The following CUBN variants were observed in gnomAD, a reference collection of about 807,000 sequenced individuals.
The protein encoded by CUBN is cubilin.
A neutral mutation model predicts 405.3 loss-of-function variants in CUBN; 282 were observed. That is an observed-to-expected ratio of 0.70 (90% CI 0.63 to 0.77). The LOEUF is 0.77. Among genes scored for constraint, CUBN ranks in the 30% least tolerant of loss-of-function variants. The pLI is 0.00. For synonymous variants in CUBN, 1,684 were observed against 1,617.0 expected (o/e 1.04, Z -0.99); for missense variants, 4,514 against 4,475.2 (o/e 1.01, Z -0.25).
rs921182555 is a variant in CUBN at position 17,103,301 on chromosome 10, T to G, written c.1418-64A>C. The G allele has an allele frequency of 3.0e-5, 29 of 963,830 alleles. No individual in the cohort carries two copies. The East Asian group carries it at 6.1e-4, about 20-fold the overall frequency. 59.7% of individuals were successfully genotyped at this position (963,830 alleles called of 1,614,324 possible). A position where few individuals can be genotyped will look rare whatever the true frequency, so the allele number is the denominator to read the frequency against. On this transcript the variant is annotated intron_variant, in intron 12 of 66. Transcript: ENST00000377833. ...CTAAAAGGAAGAGGTTGGGCAACTG[T>G]AACCCTGCTGCTGATAAACTTAGAG...
rs202132725 is a variant in CUBN at position 16,937,826 on chromosome 10, T to C, written c.5734-42A>G. The C allele has an allele frequency of 6.4e-6, 10 of 1,556,558 alleles. No individual in the cohort carries two copies. The East Asian group carries it at 1.6e-4, about 26-fold the overall frequency. On this transcript the variant is annotated intron_variant, in intron 38 of 66. Transcript: ENST00000377833. ...ATAATAGAGCATTGTATTATCTATA[T>C]TTTTCTTCATAAAAAGATAAAATAA...
At chr10:17,001,090 T>C (rs763233457) in intron 28 of CUBN, among the ~76,000 whole-genome samples, 4 of 152,184 alleles carry the variant, frequency 2.6e-5, no homozygotes, top group Non-Finnish European at 4.4e-5. Flanking sequence ...ACAGTGAGTG[T>C]TACAGCTCTT....
At chr10:17,040,391 A>G (rs1192166113) in intron 27 of CUBN, among the ~76,000 whole-genome samples, 1 of 152,150 alleles carries the variant, frequency 6.6e-6, no homozygotes, top group Non-Finnish European at 1.5e-5. Context: ...ATAACCTCCC[A>G]ATTTGTAGCC....
intron 31 of CUBN, among the ~76,000 whole-genome samples, chr10:16,955,878 T>C (rs972919778): frequency 2.0e-5 from 3 of 152,194 alleles, no homozygotes; most frequent in African/African-American, 7.2e-5. Flanking sequence ...CCCTTTCCTC[T>C]TGTTCACTGC....
intron 59 of CUBN, among the ~76,000 whole-genome samples, chr10:16,869,164 A>ATTT (rs72310717): frequency 0.028 from 3,336 of 121,096 alleles, 268 homozygotes; most frequent in African/African-American, 0.096. Context: ...TACCAAAGTG[A>ATTT]TTTTTTTTTT....
At chr10:16,975,600 A>T (rs1438318426) in intron 31 of CUBN, among the ~76,000 whole-genome samples, 2 of 148,558 alleles carry the variant, frequency 1.3e-5, no homozygotes, top group Non-Finnish European at 3.0e-5. Flanking sequence ...TCTCTGGCCC[A>T]TTCAAACTTC....
Position 17,099,992 on chromosome 10 carries a change from G to A in CUBN, c.1765+13C>T, listed in dbSNP as rs1031185461. The A allele has an allele frequency of 6.3e-7, 1 of 1,594,488 alleles. No homozygotes were observed. Among genetic ancestry groups the A allele is most frequent in the Non-Finnish European group, 8.6e-7 (1 of 1,162,446 alleles). On this transcript the variant is annotated intron_variant, in intron 14 of 66. Transcript: ENST00000377833. ...AAAATTTTGCTTGCTTTTTTCTCCA[G>A]GTTCACACATACCTGGTTGCTGTGT...
intron 34 of CUBN, 149 bp from the exon 35 acceptor site, chr10:16,948,755 T>C (rs1007500532): frequency 4.1e-5 from 36 of 887,412 alleles, no homozygotes; most frequent in Non-Finnish European, 5.9e-5. Context: ...AGGGTCAATG[T>C]TTGAGACAAT....
intron 2 of CUBN, among the ~76,000 whole-genome samples, 177 bp from the exon 3 acceptor site, chr10:17,128,101 A>G (rs1837242385): frequency 6.6e-6 from 1 of 152,258 alleles, no homozygotes; most frequent in Admixed American, 6.5e-5. Context: ...AAATAGCCAC[A>G]GCATAATTCC....
rs566033396 is a variant in CUBN, at chr10:16,967,277, C to T, written c.4696-12729G>A. ...TCTCCCACTCAGTCTTCACATCTTACAAGAGACTATAAACTCTAAAAACTT... is the reference window on the plus strand; with the variant it reads ...TCTCCCACTCAGTCTTCACATCTTATAAGAGACTATAAACTCTAAAAACTT... On this transcript the variant is annotated intron_variant, in intron 31 of 66. Coordinates refer to ENST00000377833, the MANE Select transcript of CUBN (RefSeq NM_001081.4). 3.2e-4 allele frequency among the ~76,000 whole-genome samples: 48 copies of T among 152,312 alleles called. No individual in the cohort carries two copies. In the South Asian group the frequency reaches 1.0e-2, roughly 32 times the overall value.
intron 29 of CUBN, among the ~76,000 whole-genome samples, chr10:16,986,926 C>T (rs775335776): frequency 6.6e-6 from 1 of 152,186 alleles, no homozygotes; most frequent in African/African-American, 2.4e-5. Flanking sequence ...CAAACATCCC[C>T]TTGAGATCAC....
intron 62 of CUBN, 97 bp downstream of exon 62, chr10:16,840,231 AAG>A: frequency 9.0e-7 from 1 of 1,109,584 alleles, no homozygotes; most frequent in East Asian, 2.5e-5. Flanking sequence ...AATTAAAAAA[AAG>A]AAAATTATTT....
At chr10:17,100,859 G>A (rs896521293) in intron 13 of CUBN, among the ~76,000 whole-genome samples, 1 of 152,022 alleles carries the variant, frequency 6.6e-6, no homozygotes, top group Non-Finnish European at 1.5e-5. Context: ...GAGAATGAGA[G>A]GAAGAATACT....
At chr10:16,981,002 G>A (rs972044542) in intron 31 of CUBN, among the ~76,000 whole-genome samples, 1 of 152,084 alleles carries the variant, frequency 6.6e-6, no homozygotes, top group Non-Finnish European at 1.5e-5. Flanking sequence ...TGATGGGCCA[G>A]AAGGCAGGAA....
chr10:17,116,590 C>T (rs1458304600), intron 6 of CUBN, among the ~76,000 whole-genome samples: 1 of 152,212 alleles, frequency 6.6e-6, no homozygotes, highest in Non-Finnish European at 1.5e-5. Context: ...TGCCATTCTA[C>T]AAAGGAAAAG....
rs753981850 is a variant in CUBN, at chr10:16,869,735, G to A, written c.9355C>T (p.Pro3119Ser). 152 of 1,614,052 alleles carry A rather than the reference G, an allele frequency of 9.4e-5. 1 individual carries two copies. In the South Asian group the frequency reaches 1.3e-3, roughly 14 times the overall value. The change falls in exon 59 of 67, where the codon CCA becomes TCA. Residue 3119 changes from proline to serine, a missense_variant. Coordinates refer to ENST00000377833, the MANE Select transcript of CUBN (RefSeq NM_001081.4). ...LGKFCGSKRP[P>S]NVKSSNNSML... ...CTATTATTGCTGCTCTTCACATTTGGTGGGCGCTTGGAACCGCAGAATTTG... is the reference window on the plus strand; with the variant it reads ...CTATTATTGCTGCTCTTCACATTTGATGGGCGCTTGGAACCGCAGAATTTG...
chr10:16,904,628 G>T (rs1841505443), intron 50 of CUBN, among the ~76,000 whole-genome samples: 1 of 152,196 alleles, frequency 6.6e-6, no homozygotes, highest in Non-Finnish European at 1.5e-5. Context: ...ATTACATTTC[G>T]TGGGTTTGAT....
chr10:16,903,310 G>A (rs1293338322), intron 51 of CUBN, among the ~76,000 whole-genome samples: 1 of 152,034 alleles, frequency 6.6e-6, no homozygotes, highest in African/African-American at 2.4e-5. Context: ...GATATTTATT[G>A]GAAACTTAAG....
intron 22 of CUBN, among the ~76,000 whole-genome samples, chr10:17,051,545 A>G (rs1188164171): frequency 6.6e-6 from 1 of 152,152 alleles, no homozygotes; most frequent in African/African-American, 2.4e-5. Flanking sequence ...GCAAAGACTT[A>G]AAGAAAAAGC....
Sources: gnomAD v4.1 joint callset for allele counts (sites outside exome capture counted in the v4.1 genomes callset) on GRCh38, gnomAD v4.1.1 for gene constraint, MANE v1.5 for transcripts, NCBI Gene and HGNC (gene_info 2026-07-23, HGNC 2026-07-21) for gene names.